MAGED1: variants seen among roughly 807,000 people sequenced by gnomAD.
MAGED1 encodes the protein melanoma-associated antigen D1.
In MAGED1, 3 loss-of-function variants were observed where a neutral mutation model predicts 54.1. The observed-to-expected ratio is 0.06, with a 90% CI of 0.03 to 0.14. MAGED1 has a LOEUF of 0.14. Among genes scored for constraint, MAGED1 ranks in the 10% least tolerant of loss-of-function variants. The pLI, the probability that MAGED1 is intolerant of heterozygous loss-of-function variation, is 1.00. For synonymous variants in MAGED1, 217 were observed against 227.3 expected (o/e 0.95, Z 0.41); for missense variants, 485 against 623.4 (o/e 0.78, Z 2.36).
intron 1 of MAGED1, among the ~76,000 whole-genome samples, chrX:51,825,060 G>A (rs782563613): frequency 9.0e-6 from 1 of 110,533 alleles, no homozygotes; most frequent in Admixed American, 9.8e-5. Flanking sequence ...GCTTATCAAA[G>A]AAAGACATAT....
rs193098506 is a variant in MAGED1 at position 51,897,322 on chromosome X, G to A, written c.1486+51G>A. ...AGCTCTGCCCTTCCCTTCACTCCAT[G>A]CTCTGTCAGCATTCTTCTGCTTGTA... On this transcript the variant is annotated intron_variant, in intron 5 of 12. Transcript: ENST00000326587. The A allele has an allele frequency of 8.9e-4, 967 of 1,090,861 alleles. 1 individual carries two copies. The highest frequency in any genetic ancestry group is 8.6e-4 in the Non-Finnish European group (680 of 792,608). 89.9% of individuals were successfully genotyped at this position (1,090,861 alleles called of 1,213,427 possible). A position where few individuals can be genotyped will look rare whatever the true frequency, so the allele number is the denominator to read the frequency against.
upstream of MAGED1, among the ~76,000 whole-genome samples, chrX:51,892,094 G>A (rs1928458265): frequency 8.9e-6 from 1 of 112,508 alleles, no homozygotes; most frequent in Admixed American, 9.3e-5. Context: ...GTTGATGCCA[G>A]AACAAATGTG....
chrX:51,834,948 T>TTCTTGTAATGTCTG (rs1251858409), intron 1 of MAGED1, among the ~76,000 whole-genome samples: 1 of 112,377 alleles, frequency 8.9e-6, no homozygotes, highest in Non-Finnish European at 1.9e-5. Context: ...ATTATTTCCT[T>TTCTTGTAATGTCTG]TCTTGTAATG....
chrX:51,813,568 G>T (rs1925303535), intron 1 of MAGED1, among the ~76,000 whole-genome samples: 1 of 112,055 alleles, frequency 8.9e-6, no homozygotes, highest in African/African-American at 3.2e-5. Context: ...GCTGTCCCCA[G>T]AAATGCATTG....
rs782461167 is a variant in MAGED1, at chrX:51,897,516, G to C, written c.1487-31G>C. ...GACTGCTGCTCTGTGGCCCCCGCTC[G>C]GCTCAGATGGCTCCCTCCTCTCTCC... On this transcript the variant is annotated intron_variant, in intron 5 of 12. Transcript: ENST00000326587. 22 of 1,119,775 alleles carry C rather than the reference G, an allele frequency of 2.0e-5. No homozygotes were observed. The African/African-American group carries it at 3.5e-4, about 18-fold the overall frequency. The allele number at this position is 1,119,775 out of a possible 1,213,427, so 92.3% of individuals were successfully genotyped here.
intron 1 of MAGED1, among the ~76,000 whole-genome samples, chrX:51,873,554 A>AGAGG (rs1194512311): frequency 4.7e-5 from 5 of 106,368 alleles, no homozygotes; most frequent in Admixed American, 4.1e-4. Context: ...AGAGAGAGAG[A>AGAGG]GAGAGAAGTT....
intron 1 of MAGED1, among the ~76,000 whole-genome samples, chrX:51,882,418 A>T (rs995659353): frequency 9.0e-5 from 10 of 111,455 alleles, no homozygotes; most frequent in Middle Eastern, 4.7e-3. Flanking sequence ...TTCCCTATTC[A>T]TCTCTGGAAA....
At chrX:51,811,539 G>T (rs1925219823) in intron 1 of MAGED1, among the ~76,000 whole-genome samples, 1 of 111,427 alleles carries the variant, frequency 9.0e-6, no homozygotes, top group Non-Finnish European at 1.9e-5. Context: ...CTCATATGTG[G>T]CCAGGAGGTG....
chrX:51,826,457 G>A (rs1557356973), intron 1 of MAGED1, among the ~76,000 whole-genome samples: 1 of 111,444 alleles, frequency 9.0e-6, no homozygotes, highest in African/African-American at 3.3e-5. Flanking sequence ...GATTCCAGTT[G>A]TTTCAGCACC....
At chrX:51,861,666 T>C (rs1557360683) in intron 1 of MAGED1, among the ~76,000 whole-genome samples, 1 of 111,526 alleles carries the variant, frequency 9.0e-6, no homozygotes, top group African/African-American at 3.3e-5. Flanking sequence ...GAGTTATAAT[T>C]CCCTTTTATC....
chrX:51,894,070 C>G (rs1557363836), intron 1 of MAGED1, among the ~76,000 whole-genome samples, 199 bp from the exon 2 acceptor site: 1 of 110,654 alleles, frequency 9.0e-6, no homozygotes, highest in African/African-American at 3.3e-5. Context: ...TTCCCGATCC[C>G]CATTTGAAGC....
chrX:51,804,692 A>G (rs1473151743), intron 1 of MAGED1, among the ~76,000 whole-genome samples: 4 of 111,365 alleles, frequency 3.6e-5, no homozygotes, highest in African/African-American at 1.3e-4. Flanking sequence ...TGAACGAAAC[A>G]AAAAAATACA....
intron 1 of MAGED1, among the ~76,000 whole-genome samples, chrX:51,841,004 T>A (rs372185432): frequency 9.1e-6 from 1 of 110,049 alleles, no homozygotes; most frequent in Non-Finnish European, 1.9e-5. Context: ...CCTGAGGAAT[T>A]GCCACACTGA....
chrX:51,824,998 A>G (rs1281098301), intron 1 of MAGED1, among the ~76,000 whole-genome samples: 1 of 107,870 alleles, frequency 9.3e-6, no homozygotes, highest in Non-Finnish European at 1.9e-5. Context: ...CCCTCTAATG[A>G]ATTTTTCGTA....
chrX:51,810,154 T>A (rs1294098944), intron 1 of MAGED1, among the ~76,000 whole-genome samples: 4 of 110,233 alleles, frequency 3.6e-5, no homozygotes, highest in Middle Eastern at 9.3e-3. Context: ...TTTTCACTTC[T>A]ATGTTTTTTT....
chrX:51,834,210 C>T (rs181199365), intron 1 of MAGED1, among the ~76,000 whole-genome samples: 1 of 111,407 alleles, frequency 9.0e-6, no homozygotes, highest in East Asian at 2.8e-4. Context: ...TTATCTCTCC[C>T]TCTTCTCCCT....
intron 1 of MAGED1, among the ~76,000 whole-genome samples, chrX:51,883,578 C>T (rs1557362637): frequency 8.9e-6 from 1 of 112,372 alleles, no homozygotes; most frequent in Non-Finnish European, 1.9e-5. Flanking sequence ...CTGAAAATCA[C>T]TTGTCATAGT....
Position 51,895,272 on chromosome X carries a change from A to G in MAGED1, c.265A>G (p.Asn89Asp). ...CCAGAATGCCACCACAAAAGGCCCA[A>G]ATGGTGTCTATGATTTCTCTCAGGC... ...KVQNATTKGP[N>D]GVYDFSQAHN... The change falls in exon 3 of 13, where the codon AAT (asparagine) becomes GAT (aspartate). Residue 89 changes from asparagine (N) to aspartate (D), a missense_variant. Asn to Asp is a conservative substitution (Grantham distance 23, BLOSUM62 1). This residue lies in a region of MAGED1 where 299 missense variants were observed against 293.1 expected (regional missense o/e 1.02). Transcript: ENST00000326587. 1.7e-6 allele frequency: 2 copies of G among 1,211,046 alleles called. No homozygotes were observed. Among genetic ancestry groups the G allele is most frequent in the Non-Finnish European group, 2.2e-6 (2 of 895,153 alleles).
intron 1 of MAGED1, among the ~76,000 whole-genome samples, chrX:51,844,282 G>A (rs782580624): frequency 2.5e-4 from 28 of 112,048 alleles, no homozygotes; most frequent in Non-Finnish European, 4.5e-4. Context: ...AGAAAGCTTA[G>A]CTGAATGTGG....
Sources: allele counts gnomAD v4.1 joint callset (sites outside exome capture counted in the v4.1 genomes callset), GRCh38; gene constraint gnomAD v4.1.1; regional missense constraint gnomAD v4.1.1; transcripts MANE v1.5; gene names NCBI Gene and HGNC (gene_info 2026-07-23, HGNC 2026-07-21).